Variants in SPMIP11 observed in about 807,000 individuals in gnomAD.
SPMIP11 encodes the protein sperm microtubule inner protein 11.
chr12:48,736,058 A>T, the SPMIP11 span: 1 of 449,756 alleles, frequency 2.2e-6, no homozygotes, highest in Non-Finnish European at 4.5e-6. Context: ...ATGTCACTGT[A>T]ACTTTTCCTT....
At chr12:48,735,194 A>G in the SPMIP11 span, among the ~76,000 whole-genome samples, 1 of 152,166 alleles carries the variant, frequency 6.6e-6, no homozygotes, top group Admixed American at 6.6e-5. Context: ...TCTTCTCTAC[A>G]GTCTCTAGAT....
At chr12:48,729,439 C>T in the SPMIP11 span, among the ~76,000 whole-genome samples, 14 of 151,914 alleles carry the variant, frequency 9.2e-5, no homozygotes, top group East Asian at 3.9e-4. Flanking sequence ...GAGGCTGAGG[C>T]AGGAGAATTG....
the SPMIP11 span, among the ~76,000 whole-genome samples, chr12:48,742,691 G>A: frequency 2.0e-5 from 3 of 151,582 alleles, no homozygotes; most frequent in African/African-American, 4.8e-5. Context: ...CGAGACCAGC[G>A]CTGGACCAAC....
the SPMIP11 span, among the ~76,000 whole-genome samples, chr12:48,753,280 C>A: frequency 6.6e-6 from 1 of 152,168 alleles, no homozygotes; most frequent in Non-Finnish European, 1.5e-5. Flanking sequence ...AGTGACTACC[C>A]TCTAGCCACA....
chr12:48,735,739 C>T, the SPMIP11 span, among the ~76,000 whole-genome samples: 1 of 151,814 alleles, frequency 6.6e-6, no homozygotes, highest in Non-Finnish European at 1.5e-5. Context: ...CAAAAATTAG[C>T]CAGGCGTGGT....
chr12:48,749,016 C>G, the SPMIP11 span, among the ~76,000 whole-genome samples: 1 of 152,192 alleles, frequency 6.6e-6, no homozygotes, highest in Non-Finnish European at 1.5e-5. Context: ...AATCCCAGCA[C>G]TTTGGGAGGC....
the SPMIP11 span, among the ~76,000 whole-genome samples, chr12:48,756,689 T>C: frequency 6.6e-6 from 1 of 151,980 alleles, no homozygotes; most frequent in South Asian, 2.1e-4. Flanking sequence ...AAAATAAAAA[T>C]TTGAGGAATG....
the SPMIP11 span, among the ~76,000 whole-genome samples, chr12:48,756,377 T>C: frequency 1.3e-5 from 2 of 152,164 alleles, no homozygotes; most frequent in South Asian, 2.1e-4. Flanking sequence ...TACTGTTGCT[T>C]CTCCAAGTCC....
the SPMIP11 span, among the ~76,000 whole-genome samples, chr12:48,760,583 G>C: frequency 6.6e-6 from 1 of 152,134 alleles, no homozygotes; most frequent in African/African-American, 2.4e-5. Context: ...CTGTAGTGCA[G>C]TGCTACGATC....
At chr12:48,765,661 T>C in the SPMIP11 span, 84 of 702,766 alleles carry the variant, frequency 1.2e-4, no homozygotes, top group South Asian at 1.5e-5. Flanking sequence ...ATTAAGAAGA[T>C]ATGGCTGCAG....
the SPMIP11 span, among the ~76,000 whole-genome samples, chr12:48,765,256 C>G: frequency 6.6e-6 from 1 of 152,158 alleles, no homozygotes; most frequent in Non-Finnish European, 1.5e-5. Flanking sequence ...TGTGGCAGCC[C>G]AATGCTGCCT....
At chr12:48,749,129 G>A in the SPMIP11 span, among the ~76,000 whole-genome samples, 1 of 151,914 alleles carries the variant, frequency 6.6e-6, no homozygotes, top group African/African-American at 2.4e-5. Context: ...GGGCGTGGTG[G>A]TGCACGCCTG....
At chr12:48,734,800 G>A in the SPMIP11 span, among the ~76,000 whole-genome samples, 3 of 151,838 alleles carry the variant, frequency 2.0e-5, no homozygotes, top group Admixed American at 6.6e-5. Flanking sequence ...TCAGCAGATC[G>A]AGACCATCCT....
At chr12:48,770,699 G>A in the SPMIP11 span, 5,005 of 1,517,078 alleles carry the variant, frequency 3.3e-3, 147 homozygotes, top group African/African-American at 0.058. Flanking sequence ...CCCATCCCCA[G>A]CCTATAATCC....
chr12:48,745,512 C>T, the SPMIP11 span, among the ~76,000 whole-genome samples: 8 of 151,938 alleles, frequency 5.3e-5, no homozygotes, highest in South Asian at 2.1e-4. Flanking sequence ...AGGCTGAGGC[C>T]GGAGAATCAC....
chr12:48,741,069 CTTTT>C, the SPMIP11 span, among the ~76,000 whole-genome samples: 4 of 112,518 alleles, frequency 3.6e-5, no homozygotes, highest in East Asian at 2.3e-4. Flanking sequence ...ATGATATTGA[CTTTT>C]TTTTTTTTTT....
chr12:48,759,819 T>A, the SPMIP11 span, among the ~76,000 whole-genome samples: 1 of 152,120 alleles, frequency 6.6e-6, no homozygotes, highest in Non-Finnish European at 1.5e-5. Flanking sequence ...AAAAAAAATT[T>A]TTTTTTGAGA....
At chr12:48,753,143 C>A in the SPMIP11 span, among the ~76,000 whole-genome samples, 1 of 152,114 alleles carries the variant, frequency 6.6e-6, no homozygotes, top group African/African-American at 2.4e-5. Flanking sequence ...GTCCAGGCAC[C>A]CAGAACACTG....
the SPMIP11 span, among the ~76,000 whole-genome samples, chr12:48,752,714 C>T: frequency 6.8e-6 from 1 of 147,900 alleles, no homozygotes; most frequent in African/African-American, 2.5e-5. Context: ...TCTTGTTGCC[C>T]AGGCTGGAGT....
Sources: allele counts gnomAD v4.1 joint callset (sites outside exome capture counted in the v4.1 genomes callset), GRCh38; gene constraint gnomAD v4.1.1; transcripts MANE v1.5; gene names NCBI Gene and HGNC (gene_info 2026-07-23, HGNC 2026-07-21).